The following PDCL3 variants were observed in gnomAD, a reference collection of about 807,000 sequenced individuals.
The protein encoded by PDCL3 is phosducin like 3.
In PDCL3, 22 loss-of-function variants were observed where a neutral mutation model predicts 26.5. The observed-to-expected ratio is 0.83, with a 90% CI of 0.59 to 1.19. PDCL3 has a LOEUF of 1.19. PDCL3 is among the 50% of genes most tolerant of loss of function. The probability of loss-of-function intolerance (pLI) is 0.00; values close to 1 mark genes in which losing one functional copy is unlikely to be tolerated. For synonymous variants in PDCL3, 81 were observed against 104.9 expected (o/e 0.77, Z 1.39); for missense variants, 246 against 294.1 (o/e 0.84, Z 1.20).
chr2:100,573,341 A>T lies in PDCL3; in HGVS notation c.577+1543A>T, dbSNP rs371697164. 4.6e-5 allele frequency among the ~76,000 whole-genome samples: 7 copies of T among 152,152 alleles called. No individual in the cohort carries two copies. In the East Asian group the frequency reaches 5.8e-4, roughly 13 times the overall value. ...TTTCCAACTATGCTTTACCAGAAAG[A>T]CATTTTTAAACATGACTTTATATAC... On this transcript the variant is annotated intron_variant, in intron 5 of 5. Transcript: ENST00000264254.
rs1159452995 is a variant in PDCL3, at chr2:100,573,689, G to T, written c.577+1891G>T. 2.8e-5 allele frequency among the ~76,000 whole-genome samples: 4 copies of T among 144,628 alleles called. No homozygotes were observed. In the East Asian group the frequency reaches 8.1e-4, roughly 29 times the overall value. The allele number at this position is 144,628 out of a possible 152,430, so 94.9% of individuals were successfully genotyped here. A position where few individuals can be genotyped will look rare whatever the true frequency, so the allele number is the denominator to read the frequency against. ...TCTATCTCAAAAAAAAAAAAAAAAA[G>T]ATATTCAGCTGGGGAAAGTATAAAT... On this transcript the variant is annotated intron_variant, in intron 5 of 5. Transcript: ENST00000264254.
intron 3 of PDCL3, 150 bp from the exon 4 acceptor site, chr2:100,569,428 T>A: frequency 2.2e-6 from 2 of 905,256 alleles, no homozygotes; most frequent in South Asian, 4.4e-5. Flanking sequence ...CGACTGCAAT[T>A]AAATAATATT....
At position 100,571,514 on chromosome 2, in the gene PDCL3, G is replaced by C. The variant is rs1475653091; in HGVS notation, c.369-76G>C. On this transcript the variant is annotated intron_variant, in intron 4 of 5. Transcript: ENST00000264254. ...AAACTGTTACAAGGTTTTACTTAGGGTAGAAGGGTCATTGAGCTTTGTTCT... is the reference window on the plus strand; with the variant it reads ...AAACTGTTACAAGGTTTTACTTAGGCTAGAAGGGTCATTGAGCTTTGTTCT... 2.3e-6 allele frequency: 3 copies of C among 1,319,280 alleles called. No individual in the cohort carries two copies. The African/African-American group carries it at 4.3e-5, about 19-fold the overall frequency. 81.7% of individuals were successfully genotyped at this position (1,319,280 alleles called of 1,614,324 possible). A position where few individuals can be genotyped will look rare whatever the true frequency, so the allele number is the denominator to read the frequency against.
rs202088379 is a variant in PDCL3, at chr2:100,566,641, C to T, written c.133+12C>T. ...CCAGCAGTCAGTGGGTGAGTTCACT[C>T]GCTTTCCTCTGCACCTGTCTGGGTT... On this transcript the variant is annotated intron_variant, in intron 2 of 5. Transcript: ENST00000264254. The T allele has an allele frequency of 1.4e-5, 22 of 1,613,378 alleles. No homozygotes were observed. Among genetic ancestry groups the T allele is most frequent in the Non-Finnish European group, 1.7e-5 (20 of 1,179,690 alleles).
At chr2:100,566,477 T>C (rs1675062018) in intron 1 of PDCL3, 26 bp from the exon 2 acceptor site, 1 of 1,610,952 alleles carries the variant, frequency 6.2e-7, no homozygotes, top group Admixed American at 1.7e-5. Flanking sequence ...TTAGCACTCA[T>C]GGTAACCTTG....
intron 1 of PDCL3, 60 bp from the exon 2 acceptor site, chr2:100,566,443 A>C (rs1675061184): frequency 6.4e-7 from 1 of 1,570,260 alleles, no homozygotes; most frequent in African/African-American, 1.4e-5. Context: ...CCCCTTGCCC[A>C]ACGTGGCACC....
intron 4 of PDCL3, among the ~76,000 whole-genome samples, chr2:100,570,489 T>TG (rs1558697569): frequency 6.6e-6 from 1 of 151,032 alleles, no homozygotes; most frequent in East Asian, 1.9e-4. Context: ...TTTTTTTTTT[T>TG]TTTGTTTGAG....
rs1398430914 is a variant in PDCL3 at position 100,576,361 on chromosome 2, A to G, written c.585A>G (p.Glu195=). 1.2e-6 allele frequency: 2 copies of G among 1,613,912 alleles called. No individual in the cohort carries two copies. The highest frequency in any genetic ancestry group is 2.2e-5 in the South Asian group (2 of 91,060). ...GGMNLTRDEL[E]WKLSESGAIM... ...TTTTTCTTTACCATATAGAGTTGGAATGGAAACTGTCTGAATCTGGAGCAA... is the reference window on the plus strand; with the variant it reads ...TTTTTCTTTACCATATAGAGTTGGAGTGGAAACTGTCTGAATCTGGAGCAA... The change falls in exon 6 of 6, where the codon GAA becomes GAG. Residue 195 remains glutamate, a synonymous_variant. Coordinates refer to ENST00000264254, the MANE Select transcript of PDCL3 (RefSeq NM_024065.5).
chr2:100,566,599 G>A lies in PDCL3; in HGVS notation c.103G>A (p.Glu35Lys), dbSNP rs773372342. 1 of 1,614,026 alleles carries A rather than the reference G, an allele frequency of 6.2e-7. No individual in the cohort carries two copies. Among genetic ancestry groups the A allele is most frequent in the Admixed American group, 1.7e-5 (1 of 60,014 alleles). The change falls in exon 2 of 6, where the codon GAG becomes AAG. Residue 35 changes from glutamate to lysine, a missense_variant. By Grantham distance (56) the Glu-to-Lys change is moderately conservative. Coordinates refer to ENST00000264254, the MANE Select transcript of PDCL3 (RefSeq NM_024065.5). ...GAAAGAATTGGAAGAGGAGGCAGAAGAGGAGCAGCGCATCCTCCAGCAGTC... is the reference window on the plus strand; with the variant it reads ...GAAAGAATTGGAAGAGGAGGCAGAAAAGGAGCAGCGCATCCTCCAGCAGTC... The part of the protein sequence containing the change: ...SLKELEEEAE[E>K]EQRILQQSVV...
intron 5 of PDCL3, among the ~76,000 whole-genome samples, chr2:100,574,086 C>G (rs1468101411): frequency 6.6e-6 from 1 of 152,150 alleles, no homozygotes; most frequent in East Asian, 1.9e-4. Flanking sequence ...TCACTCCAGC[C>G]TCAGCCTCCC....
chr2:100,568,466 T>G (rs942890523), intron 2 of PDCL3, among the ~76,000 whole-genome samples: 1 of 152,160 alleles, frequency 6.6e-6, no homozygotes, highest in African/African-American at 2.4e-5. Flanking sequence ...ACCCTGTCTC[T>G]ATTAATGATA....
chr2:100,575,337 G>T lies in PDCL3; in HGVS notation c.578-1017G>T, dbSNP rs375867146. ...TTTTTAGTAGAGACGGGGTTTCACC[G>T]TGTTAGCCAGGATGGTCTCGATCTC... is the stretch of plus-strand genomic sequence containing the variant. On this transcript the variant is annotated intron_variant, in intron 5 of 5. Transcript: ENST00000264254. Among the ~76,000 whole-genome samples the T allele has an allele frequency of 9.2e-5, 14 of 152,056 alleles. No homozygotes were observed. In the South Asian group the frequency reaches 1.9e-3, roughly 20 times the overall value.
chr2:100,568,914 A>G lies in PDCL3; in HGVS notation c.134-17A>G, dbSNP rs1484617459. 2 of 1,603,198 alleles carry G rather than the reference A, an allele frequency of 1.2e-6. No homozygotes were observed. The highest frequency in any genetic ancestry group is 1.7e-6 in the Non-Finnish European group (2 of 1,175,574). On this transcript the variant is annotated splice_polypyrimidine_tract_variant and intron_variant, in intron 2 of 5. Transcript: ENST00000264254. ...TCTTTTTAAATTTTTGCTTTTTGCC[A>G]ATGTAACCAAATTCAGTGAAAACAT...
Position 100,563,059 on chromosome 2 carries a change from G to T in PDCL3, c.-9G>T. On this transcript the variant is annotated 5_prime_UTR_variant, in exon 1 of 6. Coordinates refer to ENST00000264254, the MANE Select transcript of PDCL3 (RefSeq NM_024065.5). ...CACAGCTGGTTTGAGCAACTGAACT[G>T]GAAACAAGATGCAGGTGAGCTAGGA... is the stretch of plus-strand genomic sequence containing the variant. The T allele has an allele frequency of 6.2e-7, 1 of 1,604,602 alleles. No homozygotes were observed. Among genetic ancestry groups the T allele is most frequent in the Non-Finnish European group, 8.5e-7 (1 of 1,176,062 alleles).
chr2:100,569,309 A>T (rs1035880723), intron 3 of PDCL3, among the ~76,000 whole-genome samples: 8 of 152,134 alleles, frequency 5.3e-5, no homozygotes, highest in African/African-American at 1.7e-4. Flanking sequence ...GTGAGCTGAG[A>T]CTGTGCCACT....
intron 2 of PDCL3, among the ~76,000 whole-genome samples, chr2:100,568,376 C>T (rs2104392842): frequency 7.9e-6 from 1 of 126,808 alleles, no homozygotes; most frequent in African/African-American, 3.0e-5. Context: ...GGCTGGCTCA[C>T]TCCTGTAATC....
intron 1 of PDCL3, 178 bp downstream of exon 1, chr2:100,563,251 G>T: frequency 1.5e-6 from 1 of 673,144 alleles, no homozygotes; most frequent in Admixed American, 4.2e-5. Flanking sequence ...GTCCCACCAG[G>T]ACCCACGGCC....
intron 5 of PDCL3, among the ~76,000 whole-genome samples, chr2:100,573,749 T>G (rs1225871671): frequency 6.6e-6 from 1 of 151,824 alleles, no homozygotes; most frequent in Non-Finnish European, 1.5e-5. Flanking sequence ...ATATAGGAGA[T>G]ACATCAGTTA....
intron 1 of PDCL3, among the ~76,000 whole-genome samples, chr2:100,565,400 G>T (rs902181697): frequency 6.6e-6 from 1 of 150,454 alleles, no homozygotes; most frequent in Non-Finnish European, 1.5e-5. Flanking sequence ...TCAGCCTCCC[G>T]AGTAGCTGGG....
Sources: allele counts gnomAD v4.1 joint callset (sites outside exome capture counted in the v4.1 genomes callset), GRCh38; gene constraint gnomAD v4.1.1; transcripts MANE v1.5; gene names NCBI Gene and HGNC (gene_info 2026-07-23, HGNC 2026-07-21).